TTC7A: variants seen among roughly 807,000 people sequenced by gnomAD.
TTC7A encodes tetratricopeptide repeat protein 7A.
Under a neutral mutation model 103.7 loss-of-function variants are expected in TTC7A, and 110 were observed. The ratio of observed to expected loss-of-function variants is 1.06; its 90% confidence interval spans 0.91 to 1.24. The LOEUF (loss-of-function observed/expected upper bound fraction) is 1.24. Ranked by LOEUF, TTC7A falls within the 50% of genes most tolerant of loss-of-function variation. TTC7A has a pLI of 0.00. For missense variants in TTC7A, 1,340 were observed against 1,116.3 expected (o/e 1.20, Z -2.86); for synonymous variants, 521 against 467.9 (o/e 1.11, Z -1.47).
intron 3 of TTC7A, among the ~76,000 whole-genome samples, chr2:46,966,661 T>C: frequency 1.4e-5 from 2 of 139,930 alleles, no homozygotes; most frequent in African/African-American, 2.6e-5. Flanking sequence ...TATACATCAC[T>C]TTTTTTTTTT....
chr2:46,980,180 C>G (rs1308278357), intron 5 of TTC7A, among the ~76,000 whole-genome samples: 1 of 150,550 alleles, frequency 6.6e-6, no homozygotes, highest in Non-Finnish European at 1.5e-5. Context: ...TAGGATAAAG[C>G]AAACTTACTG....
intron 2 of TTC7A, among the ~76,000 whole-genome samples, chr2:46,921,413 A>T (rs1205100298): frequency 6.6e-6 from 1 of 152,240 alleles, no homozygotes; most frequent in Non-Finnish European, 1.5e-5. Flanking sequence ...AGCATCCCAG[A>T]ACATGAAATA....
At chr2:46,984,402 CT>C (rs797012478) in intron 5 of TTC7A, among the ~76,000 whole-genome samples, 2 of 152,368 alleles carry the variant, frequency 1.3e-5, no homozygotes, top group African/African-American at 4.8e-5. Flanking sequence ...GGTTCCCCCT[CT>C]GCCCCTCTAG....
chr2:46,922,193 C>T (rs1669140405), intron 2 of TTC7A, among the ~76,000 whole-genome samples: 1 of 152,040 alleles, frequency 6.6e-6, no homozygotes, highest in Non-Finnish European at 1.5e-5. Context: ...GAGATTTTAA[C>T]CGTGGAGTAT....
chr2:46,938,824 C>T (rs1018459186), upstream of TTC7A, among the ~76,000 whole-genome samples: 2 of 151,632 alleles, frequency 1.3e-5, no homozygotes, highest in Non-Finnish European at 2.9e-5. Flanking sequence ...CCAGCCTGGC[C>T]AACATAGTGA....
At chr2:46,944,014 T>C (rs767628878) in intron 1 of TTC7A, among the ~76,000 whole-genome samples, 48 of 152,112 alleles carry the variant, frequency 3.2e-4, no homozygotes, top group Non-Finnish European at 6.2e-4. Flanking sequence ...CCCTGTACCC[T>C]TTTCCTGTCT....
chr2:46,965,224 G>T (rs538930440), intron 3 of TTC7A, among the ~76,000 whole-genome samples: 6 of 152,336 alleles, frequency 3.9e-5, no homozygotes, highest in Admixed American at 3.9e-4. Flanking sequence ...GAATTGTGTG[G>T]CTGATTAAAA....
intron 2 of TTC7A, among the ~76,000 whole-genome samples, chr2:46,953,249 G>A (rs1157485729): frequency 6.6e-6 from 1 of 152,146 alleles, no homozygotes; most frequent in Non-Finnish European, 1.5e-5. Context: ...GACCTCCTGG[G>A]CTCAAGTGAT....
chr2:46,948,745 C>T (rs531545776), intron 1 of TTC7A, among the ~76,000 whole-genome samples: 2 of 152,320 alleles, frequency 1.3e-5, no homozygotes, highest in South Asian at 2.1e-4. Context: ...CAGGCTTGCA[C>T]TACTGTGCCC....
In TTC7A at chr2:46,941,342, G is replaced by GGCGGTGCGCTGGGA; in HGVS notation, c.-197_-184dup. The GGCGGTGCGCTGGGA allele has an allele frequency of 3.6e-6, 1 of 276,310 alleles. No individual in the cohort carries two copies. Among genetic ancestry groups the GGCGGTGCGCTGGGA allele is most frequent in the Non-Finnish European group, 6.0e-6 (1 of 167,460 alleles). The allele number at this position is 276,310 out of a possible 1,614,324, so 17.1% of individuals were successfully genotyped here. On this transcript the variant is annotated 5_prime_UTR_variant, in exon 1 of 20. Transcript: ENST00000319190. This position sits in a 1 kb window ranked among gnomAD's most constrained non-coding sequence, Gnocchi z 4.2. Reference sequence around the variant, plus strand: ...CCGGAGCCGCAGCCCGGAGGCGCCGGGCGGTGCGCTGGGAGCTGCTGGTGC... The same window carrying GGCGGTGCGCTGGGA: ...CCGGAGCCGCAGCCCGGAGGCGCCGGGCGGTGCGCTGGGAGCGGTGCGCTGGGAGCTGCTGGTGC...
intron 18 of TTC7A, among the ~76,000 whole-genome samples, chr2:47,057,987 TAGTC>T (rs1267847430): frequency 6.6e-6 from 1 of 152,166 alleles, no homozygotes; most frequent in African/African-American, 2.4e-5. Flanking sequence ...ACCAGGCACA[TAGTC>T]AGTACTCAAA....
intron 19 of TTC7A, among the ~76,000 whole-genome samples, chr2:47,071,648 A>C (rs749510054): frequency 1.3e-5 from 2 of 152,084 alleles, no homozygotes; most frequent in Non-Finnish European, 2.9e-5. Context: ...TGGGATTCCA[A>C]CCTGGCCAGG....
At chr2:46,941,218 G>T (rs1000812044), upstream of TTC7A, 2 of 149,720 alleles carry the variant, frequency 1.3e-5, no homozygotes, top group Non-Finnish European at 3.0e-5. This position sits in a 1 kb window ranked among gnomAD's most constrained non-coding sequence, Gnocchi z 4.2. Flanking sequence ...GCCCGGGGCG[G>T]AGGCTGTGGC....
intron 15 of TTC7A, among the ~76,000 whole-genome samples, chr2:47,036,736 T>C (rs536114531): frequency 2.0e-4 from 31 of 152,330 alleles, no homozygotes; most frequent in African/African-American, 6.7e-4. Context: ...CACACACCTG[T>C]AGTCCCAACG....
intron 2 of TTC7A, among the ~76,000 whole-genome samples, chr2:46,935,364 T>C (rs1454324535): frequency 2.0e-5 from 3 of 152,094 alleles, no homozygotes; most frequent in South Asian, 2.1e-4. Context: ...AGTCCCGTCA[T>C]TGGAAGAGCT....
At chr2:47,044,470 C>T (rs1332023875) in intron 15 of TTC7A, among the ~76,000 whole-genome samples, 2 of 152,182 alleles carry the variant, frequency 1.3e-5, no homozygotes, top group African/African-American at 4.8e-5. Context: ...GGGGTCATTC[C>T]TACTCAGGGC....
intron 2 of TTC7A, among the ~76,000 whole-genome samples, chr2:46,918,038 T>C (rs2103790856): frequency 6.6e-6 from 1 of 152,340 alleles, no homozygotes. Context: ...AATAGATGAC[T>C]CCAAAATATG....
Position 47,021,920 on chromosome 2 carries a change from A to G in TTC7A, c.1451A>G (p.Glu484Gly). Residue 484 changes from glutamate to glycine, a missense_variant, in exon 12 of 20, where the codon GAG becomes GGG. Transcript: ENST00000319190. ...ATCAGCCTCGGAGAGGAAGCCGGGG[A>G]GTTCCTCCCCAAGGGCTACCTGGCT... Reference protein sequence around the residue: ...MVISLGEEAGEFLPKGYLALG... With the variant: ...MVISLGEEAGGFLPKGYLALG... 1 of 1,614,140 alleles carries G rather than the reference A, an allele frequency of 6.2e-7. No homozygotes were observed. Among genetic ancestry groups the G allele is most frequent in the Non-Finnish European group, 8.5e-7 (1 of 1,179,982 alleles).
intron 2 of TTC7A, chr2:46,951,851 G>C (rs995839283): frequency 2.6e-5 from 9 of 349,878 alleles, no homozygotes; most frequent in African/African-American, 1.7e-4. Context: ...CAAGGAGGTT[G>C]CAGGTCTCTT....
Sources: allele counts gnomAD v4.1 joint callset (sites outside exome capture counted in the v4.1 genomes callset), GRCh38; gene constraint gnomAD v4.1.1; non-coding constraint Gnocchi (gnomAD v3.1); transcripts MANE v1.5; gene names NCBI Gene and HGNC (gene_info 2026-07-23, HGNC 2026-07-21).